LCA5L: variants seen among roughly 807,000 people sequenced by gnomAD.
The protein encoded by LCA5L is lebercilin LCA5 like.
A neutral mutation model predicts 45.4 loss-of-function variants in LCA5L; 35 were observed. That is an observed-to-expected ratio of 0.77 (90% confidence interval 0.59 to 1.02). The LOEUF is 1.02. LCA5L is among the 50% of genes least tolerant of loss of function. The probability of loss-of-function intolerance (pLI) is 0.00; values close to 1 mark genes in which losing one functional copy is unlikely to be tolerated. For synonymous variants in LCA5L, 233 were observed against 264.7 expected, an observed-to-expected ratio of 0.88 and a Z score of 1.16; for missense variants, 668 against 761.6, an observed-to-expected ratio of 0.88 and a Z score of 1.45.
At chr21:39,444,259 G>C (rs2063998) in intron 1 of LCA5L, 58 bp from the exon 2 acceptor site, 55,928 of 151,970 alleles carry the variant, frequency 0.37, 10,682 homozygotes, top group African/African-American at 0.43. Flanking sequence ...TTTGCGCTGG[G>C]AAGAAGGCTC....
chr21:39,445,588 G>T, intron 1 of LCA5L, 137 bp downstream of exon 1: 1 of 153,178 alleles, frequency 6.5e-6, no homozygotes, highest in Non-Finnish European at 1.5e-5. Context: ...CAGCGAGGCA[G>T]GCAGGGGCGA....
chr21:39,417,451 TTC>T (rs1330664560), intron 7 of LCA5L, among the ~76,000 whole-genome samples: 7 of 152,234 alleles, frequency 4.6e-5, no homozygotes, highest in African/African-American at 9.6e-5. Flanking sequence ...TTCTACTCTA[TTC>T]TCTCTTTTTC....
At chr21:39,431,936 T>C (rs1294457199) in intron 3 of LCA5L, among the ~76,000 whole-genome samples, 2 of 152,186 alleles carry the variant, frequency 1.3e-5, no homozygotes, top group African/African-American at 2.4e-5. Flanking sequence ...CTGTCTCATG[T>C]AAAAAAAGCT....
chr21:39,431,926 C>T (rs533030199), intron 3 of LCA5L, among the ~76,000 whole-genome samples: 48 of 152,280 alleles, frequency 3.2e-4, no homozygotes, highest in Admixed American at 1.1e-3. Context: ...ATAACCTAAT[C>T]TGTCTCATGT....
At chr21:39,436,135 A>T (rs1231486658) in intron 2 of LCA5L, 3 of 152,228 alleles carry the variant, frequency 2.0e-5, no homozygotes, top group Admixed American at 6.5e-5. Flanking sequence ...TTGAACATAA[A>T]TAATTAAAGT....
chr21:39,423,924 G>A (rs1473206253), intron 5 of LCA5L, among the ~76,000 whole-genome samples: 1 of 152,184 alleles, frequency 6.6e-6, no homozygotes, highest in Non-Finnish European at 1.5e-5. Context: ...GGAGGCTGCA[G>A]TGGGAGGACT....
At chr21:39,419,337 CA>C (rs1601800583) in intron 7 of LCA5L, among the ~76,000 whole-genome samples, 2 of 151,956 alleles carry the variant, frequency 1.3e-5, no homozygotes, top group Non-Finnish European at 2.9e-5. Flanking sequence ...CCAGCCTGGG[CA>C]ACACAGCGAG....
intron 7 of LCA5L, among the ~76,000 whole-genome samples, chr21:39,416,894 GCTT>G (rs2041275641): frequency 6.6e-6 from 1 of 152,140 alleles, no homozygotes; most frequent in Non-Finnish European, 1.5e-5. Flanking sequence ...ACTTGGAATG[GCTT>G]CTTTCTGTGG....
At position 39,406,039 on chromosome 21, in the gene LCA5L, G is replaced by C. The variant is rs1362789160; in HGVS notation, c.1856C>G (p.Ala619Gly). 1.2e-6 allele frequency: 2 copies of C among 1,614,084 alleles called. No homozygotes were observed. The highest frequency in any genetic ancestry group is 2.7e-5 in the African/African-American group (2 of 74,928). The change falls in exon 11 of 11, where the codon GCA becomes GGA. Residue 619 changes from alanine to glycine, a missense_variant. Ala to Gly is a moderately conservative substitution (Grantham distance 60). Coordinates refer to ENST00000288350, the MANE Select transcript of LCA5L (RefSeq NM_152505.4). The stretch of plus-strand genomic sequence containing the variant: ...TTGCAAAGGCTCCTCTGAGCCTTTT[G>C]CAACACCAGGACTTGATTGGTCAGT... ...LKTDQSSPGV[A>G]KGSEEPLQSK...
chr21:39,432,683 C>T (rs2075861436), intron 3 of LCA5L, among the ~76,000 whole-genome samples: 1 of 152,334 alleles, frequency 6.6e-6, no homozygotes, highest in Non-Finnish European at 1.5e-5. Flanking sequence ...GCGCCTCACT[C>T]CCAACCCAGG....
chr21:39,417,827 G>A (rs544717477), intron 7 of LCA5L, among the ~76,000 whole-genome samples: 41 of 152,000 alleles, frequency 2.7e-4, no homozygotes, highest in East Asian at 2.3e-3. Flanking sequence ...GTGCGGTGGC[G>A]TGATCTCCGC....
chr21:39,439,689 G>A (rs1268714839), intron 2 of LCA5L: 3 of 152,168 alleles, frequency 2.0e-5, no homozygotes, highest in Admixed American at 1.3e-4. Context: ...GAAAACAGCC[G>A]ACCCTCTCAT....
At chr21:39,426,273 A>T (rs1268685686) in intron 5 of LCA5L, among the ~76,000 whole-genome samples, 1 of 152,200 alleles carries the variant, frequency 6.6e-6, no homozygotes, top group African/African-American at 2.4e-5. Flanking sequence ...TCCATCACGC[A>T]TACTTGATGG....
At chr21:39,440,923 T>C (rs774592763) in intron 2 of LCA5L, among the ~76,000 whole-genome samples, 2 of 152,254 alleles carry the variant, frequency 1.3e-5, no homozygotes, top group Non-Finnish European at 2.9e-5. Flanking sequence ...AGATAATCAA[T>C]ATCTTACGGT....
chr21:39,432,131 A>G (rs1249763615), intron 3 of LCA5L, among the ~76,000 whole-genome samples: 4 of 152,220 alleles, frequency 2.6e-5, no homozygotes, highest in Non-Finnish European at 5.9e-5. Context: ...CTTTTGAAAT[A>G]ATATATTTAC....
chr21:39,418,708 C>G (rs891484974), intron 7 of LCA5L, among the ~76,000 whole-genome samples: 2 of 151,886 alleles, frequency 1.3e-5, no homozygotes, highest in African/African-American at 4.8e-5. Context: ...CCATGTTGGT[C>G]AGGCTGGTCT....
intron 7 of LCA5L, among the ~76,000 whole-genome samples, chr21:39,418,069 G>T (rs994093186): frequency 6.6e-6 from 1 of 151,826 alleles, no homozygotes; most frequent in Admixed American, 6.6e-5. Context: ...CCCAGCGGGG[G>T]AGTTTCTTTT....
chr21:39,445,029 G>C (rs553420104), intron 1 of LCA5L, among the ~76,000 whole-genome samples: 11 of 152,182 alleles, frequency 7.2e-5, no homozygotes, highest in African/African-American at 1.9e-4. Context: ...TCTGAGTACA[G>C]GCGACTGGAT....
intron 4 of LCA5L, among the ~76,000 whole-genome samples, chr21:39,428,807 T>G (rs1382976506): frequency 6.7e-6 from 1 of 150,054 alleles, no homozygotes; most frequent in Non-Finnish European, 1.5e-5. Flanking sequence ...GAAATGGGAG[T>G]CTCACTATGT....
Sources: gnomAD v4.1 joint callset for allele counts (sites outside exome capture counted in the v4.1 genomes callset) on GRCh38, gnomAD v4.1.1 for gene constraint, MANE v1.5 for transcripts, NCBI Gene and HGNC (gene_info 2026-07-23, HGNC 2026-07-21) for gene names.